The following CASK variants were observed in gnomAD, a reference collection of about 807,000 sequenced individuals.
CASK encodes calcium/calmodulin dependent serine protein kinase, also known as peripheral plasma membrane protein CASK.
CASK carries 4 observed loss-of-function variants against 82.9 expected under a neutral mutation model. That is an observed-to-expected ratio of 0.05 (90% CI 0.02 to 0.11). CASK has a LOEUF of 0.11. CASK is among the 10% of genes least tolerant of loss of function. CASK has a pLI of 1.00. For missense variants in CASK, 358 were observed against 720.9 expected, an observed-to-expected ratio of 0.50 and a Z score of 5.76; for synonymous variants, 259 against 253.5, an observed-to-expected ratio of 1.02 and a Z score of -0.20.
intron 5 of CASK, among the ~76,000 whole-genome samples, chrX:41,679,052 C>T (rs2067311165): frequency 9.0e-6 from 1 of 110,533 alleles, no homozygotes; most frequent in Non-Finnish European, 1.9e-5. Flanking sequence ...TGTGCCACTG[C>T]ACCCCTGCGT....
chrX:41,565,816 C>A (rs1045948090), intron 16 of CASK, among the ~76,000 whole-genome samples: 1 of 111,810 alleles, frequency 8.9e-6, no homozygotes, highest in African/African-American at 3.3e-5. Flanking sequence ...CCCTGATGAA[C>A]ATTGATACGA....
chrX:41,567,534 A>G (rs1389536520), intron 16 of CASK, among the ~76,000 whole-genome samples: 1 of 112,601 alleles, frequency 8.9e-6, no homozygotes, highest in Non-Finnish European at 1.9e-5. Flanking sequence ...CAAAACCACA[A>G]TGAGATACCA....
chrX:41,921,548 A>G (rs1394160686), intron 1 of CASK, among the ~76,000 whole-genome samples: 1 of 111,698 alleles, frequency 9.0e-6, no homozygotes, highest in Non-Finnish European at 1.9e-5. Flanking sequence ...GTGCTGTTCT[A>G]GAACACTTCC....
intron 16 of CASK, chrX:41,562,727 G>A (rs1725026523): frequency 9.0e-6 from 1 of 111,090 alleles, no homozygotes; most frequent in Non-Finnish European, 1.9e-5. Flanking sequence ...CATTAAGACA[G>A]TACTTAGAGG....
intron 1 of CASK, among the ~76,000 whole-genome samples, chrX:41,857,951 A>C (rs2147982233): frequency 8.9e-6 from 1 of 112,271 alleles, no homozygotes; most frequent in South Asian, 3.7e-4. Flanking sequence ...CACCATCATA[A>C]TCATGAAGGA....
At chrX:41,520,764 C>T (rs760056051) in intron 26 of CASK, among the ~76,000 whole-genome samples, 168 bp from the exon 27 acceptor site, 11 of 111,884 alleles carry the variant, frequency 9.8e-5, no homozygotes, top group Admixed American at 4.7e-4. Flanking sequence ...AGGCCAAGTC[C>T]GCTCCATGAC....
chrX:41,606,018 G>C (rs893965633), intron 12 of CASK, among the ~76,000 whole-genome samples: 2 of 111,564 alleles, frequency 1.8e-5, no homozygotes, highest in Non-Finnish European at 3.8e-5. Context: ...TCAAGAGTTC[G>C]TCATAGCCAT....
At chrX:41,875,119 C>T (rs1455389403) in intron 1 of CASK, among the ~76,000 whole-genome samples, 4 of 111,850 alleles carry the variant, frequency 3.6e-5, no homozygotes, top group East Asian at 2.8e-4. Context: ...TGAGTCCTAC[C>T]GTAAATCAAG....
chrX:41,671,548 C>T lies in CASK; in HGVS notation c.430-18G>A, dbSNP rs372470833. On this transcript the variant is annotated intron_variant, in intron 5 of 26. Transcript: ENST00000378163. ...CAGTGGGGCTGAAAAGAAAAACAGA[C>T]GAACAAACAAACAAAAAACAAACCC... 9.3e-5 allele frequency: 99 copies of T among 1,062,303 alleles called. No homozygotes were observed. The highest frequency in any genetic ancestry group is 6.1e-4 in the African/African-American group (33 of 53,802). The allele number at this position is 1,062,303 out of a possible 1,213,427, so 87.5% of individuals were successfully genotyped here. A position where few individuals can be genotyped will look rare whatever the true frequency, so the allele number is the denominator to read the frequency against.
chrX:41,653,302 C>T (rs1176380576), intron 8 of CASK, among the ~76,000 whole-genome samples: 1 of 111,795 alleles, frequency 8.9e-6, no homozygotes, highest in Admixed American at 9.5e-5. Context: ...GGTTCATTAT[C>T]GTGGTCTTCC....
intron 1 of CASK, among the ~76,000 whole-genome samples, chrX:41,889,555 T>C (rs1013514263): frequency 4.5e-5 from 5 of 111,673 alleles, no homozygotes; most frequent in African/African-American, 1.6e-4. Flanking sequence ...TACAAATAAA[T>C]GTTGGGAAGA....
At chrX:41,813,416 A>T (rs1231878420) in intron 2 of CASK, among the ~76,000 whole-genome samples, 1 of 111,128 alleles carries the variant, frequency 9.0e-6, no homozygotes, top group Non-Finnish European at 1.9e-5. Context: ...GGAACAGAAC[A>T]GAGCCCTCAG....
At chrX:41,576,977 G>C (rs747732820) in intron 15 of CASK, among the ~76,000 whole-genome samples, 1 of 112,450 alleles carries the variant, frequency 8.9e-6, no homozygotes, top group African/African-American at 3.2e-5. Flanking sequence ...CATGGTCATA[G>C]AGTCACTGCT....
chrX:41,684,089 C>CAGGTAAGA (rs2067405213), intron 5 of CASK, among the ~76,000 whole-genome samples: 1 of 112,075 alleles, frequency 8.9e-6, no homozygotes, highest in South Asian at 3.7e-4. Flanking sequence ...TGTCAGTTTT[C>CAGGTAAGA]ATTATCGTAA....
intron 16 of CASK, chrX:41,562,190 TCCAAGAG>T: frequency 8.8e-6 from 1 of 114,276 alleles, no homozygotes; most frequent in Non-Finnish European, 1.9e-5. Context: ...TTGTCAATTT[TCCAAGAG>T]TTGTGACATG....
chrX:41,586,229 C>T (rs1002904768), intron 14 of CASK: 5 of 112,258 alleles, frequency 4.5e-5, no homozygotes, highest in African/African-American at 1.6e-4. Flanking sequence ...GTCAGATTTT[C>T]TCCCAAAGGG....
intron 5 of CASK, among the ~76,000 whole-genome samples, chrX:41,694,941 C>T (rs2147577283): frequency 8.9e-6 from 1 of 111,943 alleles, no homozygotes; most frequent in South Asian, 3.7e-4. Context: ...AAAGTCAAGG[C>T]AGGAAGTGGT....
chrX:41,531,750 G>C (rs1340109983), intron 24 of CASK, among the ~76,000 whole-genome samples: 1 of 111,905 alleles, frequency 8.9e-6, no homozygotes, highest in African/African-American at 3.2e-5. Flanking sequence ...GTCACAGAAA[G>C]TTCTATTGAA....
At chrX:41,874,069 G>A (rs2071763840) in intron 1 of CASK, among the ~76,000 whole-genome samples, 1 of 111,461 alleles carries the variant, frequency 9.0e-6, no homozygotes, top group Admixed American at 9.5e-5. Context: ...GGGATTACAG[G>A]CGTGAGCCAC....
Sources: allele counts gnomAD v4.1 joint callset (sites outside exome capture counted in the v4.1 genomes callset), GRCh38; gene constraint gnomAD v4.1.1; transcripts MANE v1.5; gene names NCBI Gene and HGNC (gene_info 2026-07-23, HGNC 2026-07-21).